URAD: variants seen among roughly 807,000 people sequenced by gnomAD.
URAD encodes the protein putative 2-oxo-4-hydroxy-4-carboxy-5-ureidoimidazoline decarboxylase.
Under a neutral mutation model 4.6 loss-of-function variants are expected in URAD, and 4 were observed. The ratio of observed to expected loss-of-function variants is 0.87; its 90% CI spans 0.43 to 1.98. The LOEUF (loss-of-function observed/expected upper bound fraction) is 1.98. Among genes scored for constraint, URAD ranks in the 30% most tolerant of loss-of-function variants. The pLI, the probability that URAD is intolerant of heterozygous loss-of-function variation, is 0.03. For synonymous variants in URAD, 144 were observed against 118.2 expected (o/e 1.22, Z -1.41); for missense variants, 300 against 255.3 (o/e 1.18, Z -1.19).
At chr13:27,978,562 C>G (rs1593189830) in intron 1 of URAD, 110 bp from the exon 2 acceptor site, 26 of 818,542 alleles carry the variant, frequency 3.2e-5, no homozygotes, top group Non-Finnish European at 3.7e-5. Flanking sequence ...CGCCCCGCCC[C>G]GCCCGGCCCC....
chr13:27,987,892 TGATAGATAGATAGATAGATAGATA>T (rs6144971), intron 1 of URAD, among the ~76,000 whole-genome samples: 10,787 of 150,180 alleles, frequency 0.072, 415 homozygotes, highest in Non-Finnish European at 0.081. Context: ...AATAGATAGA[TGATAGATAGATAGATAGATAGATA>T]GATAGATAGA....
At position 27,977,943 on chromosome 13, in the gene URAD, A is replaced by C; in HGVS notation, c.*163T>G. The stretch of plus-strand genomic sequence containing the variant: ...GTGCGCGTGTGGGTGGGCGGACAAA[A>C]GGACTCATTACTCGTATGATTGCCT... On this transcript the variant is annotated 3_prime_UTR_variant, in exon 2 of 2. Transcript: ENST00000332715. 5.3e-6 allele frequency: 3 copies of C among 570,334 alleles called. No homozygotes were observed. In the South Asian group the frequency reaches 8.7e-5, roughly 17 times the overall value. 35.3% of individuals were successfully genotyped at this position (570,334 alleles called of 1,614,324 possible). A position where few individuals can be genotyped will look rare whatever the true frequency, so the allele number is the denominator to read the frequency against.
Position 27,988,582 on chromosome 13 carries a change from C to T in URAD, c.56G>A (p.Gly19Glu), listed in dbSNP as rs1870104140. ...CAGAGGACATCTCTCAGTGGCATTC[C>T]CAAACACATCCACGAATTCTCCAAG... ...MDLGEFVDVFGNATERCPLIA... is the reference protein window; with the variant it reads ...MDLGEFVDVFENATERCPLIA... Residue 19 changes from glycine (G) to glutamate (E), a missense_variant, in exon 1 of 2, where the codon GGG becomes GAG. Coordinates refer to ENST00000332715, the MANE Select transcript of URAD (RefSeq NM_001105577.2). 3.1e-6 allele frequency: 5 copies of T among 1,613,764 alleles called. No individual in the cohort carries two copies. The highest frequency in any genetic ancestry group is 4.2e-6 in the Non-Finnish European group (5 of 1,179,802).
intron 1 of URAD, among the ~76,000 whole-genome samples, chr13:27,980,388 C>T (rs1195988821): frequency 2.0e-5 from 3 of 152,330 alleles, no homozygotes; most frequent in Non-Finnish European, 4.4e-5. Context: ...GCCCTGTGCC[C>T]GGGGTTGGTC....
rs970692628 is a variant in URAD, at chr13:27,978,282, C to T, written c.346G>A (p.Gly116Ser). The stretch of plus-strand genomic sequence containing the variant: ...CGCGCGGCGAGCACGAAGGGGAAAC[C>T]GAAGCGCGCGCGGTACTGCGCGTTG... The part of the protein sequence containing the change: ...ELNAQYRARF[G>S]FPFVLAARFS... The change falls in exon 2 of 2, where the codon GGT becomes AGT. Residue 116 changes from glycine to serine, a missense_variant. Gly to Ser is a moderately conservative substitution (Grantham distance 56, BLOSUM62 0). Coordinates refer to ENST00000332715, the MANE Select transcript of URAD (RefSeq NM_001105577.2). The T allele has an allele frequency of 9.1e-6, 13 of 1,420,800 alleles. No individual in the cohort carries two copies. Among genetic ancestry groups the T allele is most frequent in the African/African-American group, 1.5e-5 (1 of 66,506 alleles). The allele number at this position is 1,420,800 out of a possible 1,614,324, so 88.0% of individuals were successfully genotyped here.
chr13:27,978,335 G>T lies in URAD; in HGVS notation c.293C>A (p.Ala98Glu). Residue 98 changes from alanine (A) to glutamate (E), a missense_variant, in exon 2 of 2, where the codon GCG (alanine) becomes GAG (glutamate). Physicochemically the swap from Ala to Glu is moderately radical, Grantham distance 107. Coordinates refer to ENST00000332715, the MANE Select transcript of URAD (RefSeq NM_001105577.2). The part of the protein sequence containing the change: ...QSGAGLRSLG[A>E]DERLRLAELN... ...CTCGGCCAGCCGCAGCCGCTCGTCC[G>T]CGCCCAGGCTCCTCAGGCCTGCGCC... is the stretch of plus-strand genomic sequence containing the variant. The T allele has an allele frequency of 7.2e-7, 1 of 1,394,474 alleles. No homozygotes were observed. The highest frequency in any genetic ancestry group is 9.2e-7 in the Non-Finnish European group (1 of 1,082,102). 86.4% of individuals were successfully genotyped at this position (1,394,474 alleles called of 1,614,324 possible).
intron 1 of URAD, among the ~76,000 whole-genome samples, chr13:27,985,232 C>A (rs1021930269): frequency 3.3e-5 from 5 of 152,026 alleles, no homozygotes; most frequent in Admixed American, 6.6e-5. Context: ...CCAAGGTGGG[C>A]GGATCACTTG....
At chr13:27,982,005 G>A (rs1032654102) in intron 1 of URAD, among the ~76,000 whole-genome samples, 2 of 152,148 alleles carry the variant, frequency 1.3e-5, no homozygotes, top group East Asian at 1.9e-4. Context: ...ACTCTGTCAC[G>A]TTTCGAGCCA....
chr13:27,978,585 G>T, intron 1 of URAD, 133 bp from the exon 2 acceptor site: 1 of 681,416 alleles, frequency 1.5e-6, no homozygotes, highest in Non-Finnish European at 2.0e-6. Flanking sequence ...AGAAGGCTGC[G>T]GGAGGGTGAA....
intron 1 of URAD, among the ~76,000 whole-genome samples, chr13:27,987,946 A>T (rs1172648904): frequency 6.8e-6 from 1 of 147,404 alleles, no homozygotes; most frequent in African/African-American, 2.5e-5. Flanking sequence ...TTTTAAAAAC[A>T]ACTTTTTTTG....
intron 1 of URAD, among the ~76,000 whole-genome samples, chr13:27,986,669 C>T (rs1164607804): frequency 2.6e-5 from 4 of 152,308 alleles, no homozygotes; most frequent in Admixed American, 2.6e-4. Flanking sequence ...TCAGCCTCAC[C>T]ACTCCTTTGG....
intron 1 of URAD, among the ~76,000 whole-genome samples, chr13:27,985,609 T>G (rs942959355): frequency 1.3e-5 from 2 of 152,244 alleles, no homozygotes; most frequent in Non-Finnish European, 2.9e-5. Context: ...CAAGCATTTA[T>G]CTTAATCAAA....
chr13:27,977,806 G>A lies in URAD; in HGVS notation c.*300C>T. Reference sequence around the variant, plus strand: ...TGGGGAGAACTGGATAAACGCTTTGGAATCCACAAAGGCCGGTGGTGTCGG... The same window carrying A: ...TGGGGAGAACTGGATAAACGCTTTGAAATCCACAAAGGCCGGTGGTGTCGG... On this transcript the variant is annotated 3_prime_UTR_variant, in exon 2 of 2. Coordinates refer to ENST00000332715, the MANE Select transcript of URAD (RefSeq NM_001105577.2). The A allele has an allele frequency of 2.6e-6, 1 of 385,928 alleles. No homozygotes were observed. The highest frequency in any genetic ancestry group is 4.6e-6 in the Non-Finnish European group (1 of 216,870). The allele number at this position is 385,928 out of a possible 1,614,324, so 23.9% of individuals were successfully genotyped here.
chr13:27,983,148 C>G (rs1414491217), intron 1 of URAD, among the ~76,000 whole-genome samples: 2 of 152,164 alleles, frequency 1.3e-5, no homozygotes, highest in Admixed American at 1.3e-4. Flanking sequence ...CATCCCTCTA[C>G]TCCTTACTAT....
intron 1 of URAD, among the ~76,000 whole-genome samples, chr13:27,983,322 C>T (rs958261339): frequency 7.2e-5 from 11 of 151,982 alleles, no homozygotes; most frequent in Admixed American, 4.6e-4. Flanking sequence ...CTCCGTCTTC[C>T]GGGTTCAAGT....
chr13:27,978,927 G>A (rs1350752410), intron 1 of URAD, among the ~76,000 whole-genome samples: 1 of 151,966 alleles, frequency 6.6e-6, no homozygotes, highest in Non-Finnish European at 1.5e-5. Context: ...AGGGCCTGAA[G>A]ACTTCCTGCA....
intron 1 of URAD, among the ~76,000 whole-genome samples, chr13:27,986,400 C>A (rs74874973): frequency 0.035 from 5,264 of 152,226 alleles, 250 homozygotes; most frequent in African/African-American, 0.12. Flanking sequence ...GGGTTGCCCA[C>A]GTCCAGTGCT....
chr13:27,987,892 TGATAGATAGATA>T (rs6144971), intron 1 of URAD, among the ~76,000 whole-genome samples: 4,279 of 150,186 alleles, frequency 0.028, 76 homozygotes, highest in Non-Finnish European at 0.034. Flanking sequence ...AATAGATAGA[TGATAGATAGATA>T]GATAGATAGA....
Position 27,977,787 on chromosome 13 carries a change from G to C in URAD, c.*319C>G. 1 of 357,464 alleles carries C rather than the reference G, an allele frequency of 2.8e-6. No homozygotes were observed. The highest frequency in any genetic ancestry group is 5.0e-6 in the Non-Finnish European group (1 of 199,108). 22.1% of individuals were successfully genotyped at this position (357,464 alleles called of 1,614,324 possible). ...GGGCTTAGCAGGAGAGGGTTGGGGA[G>C]AACTGGATAAACGCTTTGGAATCCA... is the stretch of plus-strand genomic sequence containing the variant. On this transcript the variant is annotated 3_prime_UTR_variant, in exon 2 of 2. Coordinates refer to ENST00000332715, the MANE Select transcript of URAD (RefSeq NM_001105577.2).
Sources: gnomAD v4.1 joint callset for allele counts (sites outside exome capture counted in the v4.1 genomes callset) on GRCh38, gnomAD v4.1.1 for gene constraint, MANE v1.5 for transcripts, NCBI Gene and HGNC (gene_info 2026-07-23, HGNC 2026-07-21) for gene names.